PCNA: variants seen among roughly 807,000 people sequenced by gnomAD.
PCNA encodes the protein proliferating cell nuclear antigen.
In PCNA, 4 loss-of-function variants were observed where a neutral mutation model predicts 27.8. The observed-to-expected ratio is 0.14, with a 90% CI of 0.07 to 0.33. The LOEUF is 0.33. Ranked by LOEUF, PCNA falls within the 10% of genes least tolerant of loss-of-function variation. The pLI is 1.00. For missense variants in PCNA, 165 were observed against 327.4 expected (o/e 0.50, Z 3.83); for synonymous variants, 121 against 119.4 (o/e 1.01, Z -0.09).
chr20:5,115,627 G>T (rs1304294643), intron 4 of PCNA, 55 bp from the exon 5 acceptor site: 4 of 1,459,878 alleles, frequency 2.7e-6, no homozygotes, highest in South Asian at 1.2e-5. Flanking sequence ...CAATCTATTA[G>T]CTCATTATAT....
intron 4 of PCNA, among the ~76,000 whole-genome samples, chr20:5,116,938 C>T (rs780331176): frequency 4.5e-4 from 69 of 152,284 alleles, no homozygotes; most frequent in Non-Finnish European, 7.4e-4. Context: ...AGTGAGAAGT[C>T]TCCTTCCTGT....
intron 4 of PCNA, among the ~76,000 whole-genome samples, chr20:5,116,369 C>T (rs1259353821): frequency 6.6e-6 from 1 of 151,982 alleles, no homozygotes; most frequent in African/African-American, 2.4e-5. Context: ...ACGAGGTTGG[C>T]AGGAGTGGAA....
intron 1 of PCNA, 52 bp from the exon 2 acceptor site, chr20:5,118,918 T>C (rs747684328): frequency 1.5e-6 from 2 of 1,302,650 alleles, no homozygotes; most frequent in Non-Finnish European, 2.2e-6. Flanking sequence ...GCTGAAGGGC[T>C]GTATTTCGAA....
rs1442260050 is a variant in PCNA at position 5,115,575 on chromosome 20, A to G, written c.583-3T>C. ...GGTTCATTCATCTCTATGGTAACCT[A>G]CAAAACAAAAGATTCATCATTGAAA... On this transcript the variant is annotated splice_polypyrimidine_tract_variant and splice_region_variant and intron_variant, in intron 4 of 5. Coordinates refer to ENST00000379143, the MANE Select transcript of PCNA (RefSeq NM_182649.2). 1.2e-6 allele frequency: 2 copies of G among 1,611,410 alleles called. No homozygotes were observed. Among genetic ancestry groups the G allele is most frequent in the Non-Finnish European group, 1.7e-6 (2 of 1,178,680 alleles).
intron 3 of PCNA, among the ~76,000 whole-genome samples, 192 bp from the exon 4 acceptor site, chr20:5,117,856 A>T (rs2090486283): frequency 6.6e-6 from 1 of 152,268 alleles, no homozygotes; most frequent in African/African-American, 2.4e-5. Context: ...CCATCCAGGG[A>T]ACAAGAGCCT....
At chr20:5,123,724 A>C (rs780896542), upstream of PCNA, among the ~76,000 whole-genome samples, 1 of 152,232 alleles carries the variant, frequency 6.6e-6, no homozygotes, top group African/African-American at 2.4e-5. Flanking sequence ...TTTCCTAATA[A>C]TTATTCACTA....
chr20:5,121,385 CCTT>C (rs1427302524), upstream of PCNA: 127 of 116,918 alleles, frequency 1.1e-3, 1 homozygote, highest in African/African-American at 4.3e-3. Context: ...GCCTTTCTTT[CCTT>C]TTTTTTTTTT....
Position 5,117,495 on chromosome 20 carries a change from C to T in PCNA, c.557G>A (p.Ser186Asn). 6.2e-7 allele frequency: 1 copy of T among 1,613,268 alleles called. No homozygotes were observed. The highest frequency in any genetic ancestry group is 8.5e-7 in the Non-Finnish European group (1 of 1,179,584). ...AGCTTCCTCCTCTTTATCGACATTACTTGTCTGTGACAATTTAATGTTTCC... is the reference window on the plus strand; with the variant it reads ...AGCTTCCTCCTCTTTATCGACATTATTTGTCTGTGACAATTTAATGTTTCC... ...GNGNIKLSQT[S>N]NVDKEEEAVT... The change falls in exon 4 of 6, where the codon AGT becomes AAT. Residue 186 changes from serine to asparagine, a missense_variant. Ser to Asn is a conservative substitution (Grantham distance 46). Coordinates refer to ENST00000379143, the MANE Select transcript of PCNA (RefSeq NM_182649.2).
At position 5,115,185 on chromosome 20, in the gene PCNA, G is replaced by A. The variant is rs1408886276; in HGVS notation, c.*98C>T. 2 of 787,394 alleles carry A rather than the reference G, an allele frequency of 2.5e-6. No homozygotes were observed. The highest frequency in any genetic ancestry group is 2.5e-5 in the East Asian group (1 of 39,328). The allele number at this position is 787,394 out of a possible 1,614,324, so 48.8% of individuals were successfully genotyped here. ...AACAATATCTACATATGTACTTAGAGGTACAAATTTGGTGACAGAAAAGAC... is the reference window on the plus strand; with the variant it reads ...AACAATATCTACATATGTACTTAGAAGTACAAATTTGGTGACAGAAAAGAC... On this transcript the variant is annotated 3_prime_UTR_variant, in exon 6 of 6. Transcript: ENST00000379143.
intron 1 of PCNA, among the ~76,000 whole-genome samples, chr20:5,125,599 C>T (rs188082472): frequency 5.3e-5 from 8 of 152,238 alleles, no homozygotes; most frequent in East Asian, 1.9e-4. Context: ...AAGTTGGGGA[C>T]GCAGTGTTAT....
At chr20:5,115,683 G>C in intron 4 of PCNA, 111 bp from the exon 5 acceptor site, 1 of 858,730 alleles carries the variant, frequency 1.2e-6, no homozygotes, top group Non-Finnish European at 1.8e-6. Context: ...TTTGGAGGGA[G>C]CTATGAAAAT....
At chr20:5,120,002 G>A, upstream of PCNA, 2 of 586,640 alleles carry the variant, frequency 3.4e-6, no homozygotes, top group Non-Finnish European at 6.1e-6. Flanking sequence ...GCGCCGCGTT[G>A]CGACGTCACC....
intron 3 of PCNA, 138 bp downstream of exon 3, chr20:5,118,470 TAG>T (rs1354446161): frequency 8.0e-6 from 5 of 627,034 alleles, no homozygotes; most frequent in Non-Finnish European, 1.4e-5. Context: ...AATCCCAGGT[TAG>T]AGAGAGCTAT....
At position 5,114,996 on chromosome 20, in the gene PCNA, T is replaced by C. The variant is rs980546234; in HGVS notation, c.*287A>G. On this transcript the variant is annotated 3_prime_UTR_variant, in exon 6 of 6. Transcript: ENST00000379143. ...TAACTTTATTTAAATTCAAAAACAA[T>C]TCTTAAAACTGCATTTAGAGTCAAG... 79 of 252,982 alleles carry C rather than the reference T, an allele frequency of 3.1e-4. No individual in the cohort carries two copies. Among genetic ancestry groups the C allele is most frequent in the African/African-American group, 1.8e-3 (78 of 43,790 alleles). 15.7% of individuals were successfully genotyped at this position (252,982 alleles called of 1,614,324 possible).
At chr20:5,124,752 G>A (rs1031605902), upstream of PCNA, among the ~76,000 whole-genome samples, 1 of 152,208 alleles carries the variant, frequency 6.6e-6, no homozygotes, top group Non-Finnish European at 1.5e-5. Context: ...TCGTCACACA[G>A]TACTGACTTC....
At chr20:5,118,980 T>G in intron 1 of PCNA, 114 bp from the exon 2 acceptor site, 1 of 709,176 alleles carries the variant, frequency 1.4e-6, no homozygotes, top group Non-Finnish European at 2.5e-6. Flanking sequence ...TCAGAACTGG[T>G]GGAGGGTAAG....
intron 4 of PCNA, among the ~76,000 whole-genome samples, chr20:5,117,053 A>G (rs919457017): frequency 4.6e-5 from 7 of 152,194 alleles, no homozygotes; most frequent in Admixed American, 3.9e-4. Context: ...GACCCACAAC[A>G]TGTAAGCTAA....
At chr20:5,118,906 C>A in intron 1 of PCNA, 40 bp from the exon 2 acceptor site, 1 of 1,391,782 alleles carries the variant, frequency 7.2e-7, no homozygotes, top group Non-Finnish European at 1.0e-6. Context: ...TCAACGCCGT[C>A]TGCTGAAGGG....
At chr20:5,124,673 A>AAG (rs1218127537), upstream of PCNA, among the ~76,000 whole-genome samples, 37 of 151,964 alleles carry the variant, frequency 2.4e-4, no homozygotes, top group African/African-American at 7.7e-4. Context: ...AAAAAACGAA[A>AAG]AGAGAGAGAG....
Sources: gnomAD v4.1 joint callset for allele counts (sites outside exome capture counted in the v4.1 genomes callset) on GRCh38, gnomAD v4.1.1 for gene constraint, MANE v1.5 for transcripts, NCBI Gene and HGNC (gene_info 2026-07-23, HGNC 2026-07-21) for gene names.